ZZEF1: variants seen among roughly 807,000 people sequenced by gnomAD.
ZZEF1 encodes zinc finger ZZ-type and EF-hand domain-containing protein 1.
Under a neutral mutation model 342.8 loss-of-function variants are expected in ZZEF1, and 157 were observed. That is an observed-to-expected ratio of 0.46 (90% CI 0.40 to 0.52). The LOEUF is 0.52. Ranked by LOEUF, ZZEF1 falls within the 20% of genes least tolerant of loss-of-function variation. The pLI is 0.00. For missense variants in ZZEF1, 3,480 were observed against 3,725.6 expected (o/e 0.93, Z 1.72); for synonymous variants, 1,505 against 1,429.1 (o/e 1.05, Z -1.20).
intron 3 of ZZEF1, among the ~76,000 whole-genome samples, chr17:4,115,254 T>G (rs1204288633): frequency 6.6e-6 from 1 of 152,192 alleles, no homozygotes; most frequent in Admixed American, 6.5e-5. Flanking sequence ...GTCAAACTCC[T>G]GGCTTCAAGC....
intron 37 of ZZEF1, among the ~76,000 whole-genome samples, chr17:4,045,201 A>G (rs75285223): frequency 0.024 from 3,723 of 152,222 alleles, 69 homozygotes; most frequent in Non-Finnish European, 0.033. Context: ...CCCATCTTCC[A>G]AATGTCCCTC....
Position 4,114,346 on chromosome 17 carries a change from G to A in ZZEF1, c.819C>T (p.Thr273=), listed in dbSNP as rs761808186. The A allele has an allele frequency of 6.2e-7, 1 of 1,611,520 alleles. No individual in the cohort carries two copies. The highest frequency in any genetic ancestry group is 8.5e-7 in the Non-Finnish European group (1 of 1,178,884). ...TGCCATCTGACTGCCAGTAGGATGA[G>A]GTTTCTCCATTTGTCATCTTGTCAA... is the stretch of plus-strand genomic sequence containing the variant. ...ADIDKMTNGE[T]SSYWQSDGSA... is the part of the protein sequence containing the mutation. The change falls in exon 4 of 55, where the codon ACC becomes ACT. Residue 273 remains threonine, a synonymous_variant. Transcript: ENST00000381638.
intron 24 of ZZEF1, 54 bp downstream of exon 24, chr17:4,074,096 A>C (rs1344151074): frequency 1.3e-6 from 2 of 1,595,482 alleles, no homozygotes; most frequent in Admixed American, 3.3e-5. Flanking sequence ...GCAAGCGCGC[A>C]TCTTGCACTT....
chr17:4,084,581 T>C (rs998353200), intron 16 of ZZEF1, among the ~76,000 whole-genome samples: 1 of 152,250 alleles, frequency 6.6e-6, no homozygotes, highest in Non-Finnish European at 1.5e-5. Flanking sequence ...ACCTAGGTGT[T>C]TTTGATATGG....
intron 13 of ZZEF1, among the ~76,000 whole-genome samples, chr17:4,087,947 A>G (rs1250475987): frequency 2.0e-5 from 3 of 152,128 alleles, no homozygotes; most frequent in African/African-American, 7.2e-5. Context: ...AAAGGTATCA[A>G]TCCTTCCGTA....
rs1383635124 is a variant in ZZEF1, at chr17:4,064,692, T to G, written c.4387A>C (p.Ser1463Arg). 1.9e-6 allele frequency: 3 copies of G among 1,614,216 alleles called. No individual in the cohort carries two copies. Among genetic ancestry groups the G allele is most frequent in the Non-Finnish European group, 1.7e-6 (2 of 1,180,044 alleles). The change falls in exon 29 of 55, where the codon AGC (serine) becomes CGC (arginine). Residue 1463 changes from serine to arginine, a missense_variant. Ser to Arg is a moderately radical substitution (Grantham distance 110, BLOSUM62 -1). Transcript: ENST00000381638. ...LQPLNKRQRTSSVVEEHFQAS... is the reference protein window; with the variant it reads ...LQPLNKRQRTRSVVEEHFQAS... ...TGGAAATGCTCTTCCACCACAGAGC[T>G]TGTCCTCTGACGCTTGTTGAGTGGC...
intron 2 of ZZEF1, among the ~76,000 whole-genome samples, chr17:4,123,484 G>A (rs1035262456): frequency 6.6e-6 from 1 of 151,796 alleles, no homozygotes; most frequent in Non-Finnish European, 1.5e-5. Flanking sequence ...TGAGGACAGA[G>A]CAGAAATAAG....
intron 6 of ZZEF1, among the ~76,000 whole-genome samples, chr17:4,106,301 G>T (rs1018799524): frequency 2.0e-5 from 3 of 152,028 alleles, no homozygotes; most frequent in African/African-American, 7.2e-5. Flanking sequence ...ATAGGGTTTT[G>T]TGTTTGTTTG....
At chr17:4,024,124 C>A (rs2056341074) in intron 43 of ZZEF1, among the ~76,000 whole-genome samples, 2 of 150,432 alleles carry the variant, frequency 1.3e-5, no homozygotes, top group African/African-American at 4.9e-5. Flanking sequence ...CCAATCGCTG[C>A]CTCTCAGGTA....
chr17:4,079,746 T>A (rs1072850), intron 18 of ZZEF1, among the ~76,000 whole-genome samples: 1 of 151,980 alleles, frequency 6.6e-6, no homozygotes, highest in South Asian at 2.1e-4. Context: ...ATCAGTGAAT[T>A]GGGGGAGACA....
At chr17:4,131,996 C>G (rs759400518) in intron 1 of ZZEF1, among the ~76,000 whole-genome samples, 1 of 152,016 alleles carries the variant, frequency 6.6e-6, no homozygotes, top group Non-Finnish European at 1.5e-5. Flanking sequence ...AAGCCTAAAA[C>G]TGAAAACAAT....
At chr17:4,114,526 A>AG in intron 3 of ZZEF1, 56 bp from the exon 4 acceptor site, 1 of 1,341,616 alleles carries the variant, frequency 7.5e-7, no homozygotes, top group Non-Finnish European at 9.8e-7. Context: ...GGGAAAAAAA[A>AG]GAGTCATTTA....
At chr17:4,067,758 G>A (rs1036756841) in intron 26 of ZZEF1, among the ~76,000 whole-genome samples, 4 of 151,898 alleles carry the variant, frequency 2.6e-5, no homozygotes, top group African/African-American at 7.3e-5. Flanking sequence ...TTAAGAGATA[G>A]GGTCTTACTC....
intron 1 of ZZEF1, 27 bp downstream of exon 1, chr17:4,142,514 AT>A (rs1180972237): frequency 3.2e-6 from 5 of 1,584,542 alleles, no homozygotes; most frequent in East Asian, 2.3e-5. Context: ...GCCCTGCCCC[AT>A]CCCCGCAGTC....
At chr17:4,134,826 G>C (rs7220306) in intron 1 of ZZEF1, among the ~76,000 whole-genome samples, 22,306 of 152,026 alleles carry the variant, frequency 0.15, 1,769 homozygotes, top group African/African-American at 0.2. Context: ...TAGGGGAAAT[G>C]GCCCAGAAAA....
At chr17:4,070,342 T>C (rs1298002190) in intron 26 of ZZEF1, among the ~76,000 whole-genome samples, 1 of 152,236 alleles carries the variant, frequency 6.6e-6, no homozygotes, top group Non-Finnish European at 1.5e-5. Flanking sequence ...GGTCGTCTGA[T>C]TAACCTGAAG....
In ZZEF1 at chr17:4,081,414, C is replaced by T; in HGVS notation, c.2791G>A (p.Ala931Thr). Residue 931 changes from alanine (A) to threonine (T), a missense_variant, in exon 18 of 55, where the codon GCG becomes ACG. Transcript: ENST00000381638. ...ACAGAGACGAGAGTGTCCATGACCG[C>T]CAGGACTTCACTGATGTTCATCTTG... ...LAKMNISEVL[A>T]VMDTLVSVAA... is the part of the protein sequence containing the mutation. 1 of 1,613,886 alleles carries T rather than the reference C, an allele frequency of 6.2e-7. No individual in the cohort carries two copies. Among genetic ancestry groups the T allele is most frequent in the South Asian group, 1.1e-5 (1 of 91,062 alleles).
chr17:4,067,223 T>C lies in ZZEF1; in HGVS notation c.4095A>G (p.Ile1365Met), dbSNP rs1176655547. The stretch of plus-strand genomic sequence containing the variant: ...CCTGGGCAAACTCTTCACTCAGGGC[T>C]ATTTTGCCCCCACTGTTGACTGGGG... ...LQKYVNSGGK[I>M]ALSEEFAQVY... is the part of the protein sequence containing the mutation. The change falls in exon 27 of 55, where the codon ATA (isoleucine) becomes ATG (methionine). Residue 1365 changes from isoleucine (I) to methionine (M), a missense_variant. Transcript: ENST00000381638. 6.2e-7 allele frequency: 1 copy of C among 1,613,314 alleles called. No homozygotes were observed.
chr17:4,115,611 C>T (rs148584701), intron 3 of ZZEF1, among the ~76,000 whole-genome samples: 1,561 of 151,962 alleles, frequency 0.01, 12 homozygotes, highest in Non-Finnish European at 0.014. Context: ...TTCGGTGAGC[C>T]GGGATCACAC....
Sources: gnomAD v4.1 joint callset for allele counts (sites outside exome capture counted in the v4.1 genomes callset) on GRCh38, gnomAD v4.1.1 for gene constraint, MANE v1.5 for transcripts, NCBI Gene and HGNC (gene_info 2026-07-23, HGNC 2026-07-21) for gene names.